The following DOCK3 variants were observed in gnomAD, a reference collection of about 807,000 sequenced individuals.
DOCK3 encodes the protein dedicator of cytokinesis 3, also known as dedicator of cytokinesis protein 3.
In DOCK3, 60 loss-of-function variants were observed where a neutral mutation model predicts 265.6. That is an observed-to-expected ratio of 0.23 (90% CI 0.18 to 0.28). The LOEUF (loss-of-function observed/expected upper bound fraction) is 0.28. Ranked by LOEUF, DOCK3 falls within the 10% of genes least tolerant of loss-of-function variation. The probability of loss-of-function intolerance (pLI) is 1.00; values close to 1 mark genes in which losing one functional copy is unlikely to be tolerated. For synonymous variants in DOCK3, 881 were observed against 938.0 expected, an observed-to-expected ratio of 0.94 and a Z score of 1.11; for missense variants, 1,981 against 2,594.3, an observed-to-expected ratio of 0.76 and a Z score of 5.14.
chr3:51,119,728 T>C (rs1375190096), intron 9 of DOCK3, among the ~76,000 whole-genome samples: 1 of 151,982 alleles, frequency 6.6e-6, no homozygotes. Flanking sequence ...CAGTCTCTGA[T>C]ATCCTTTCTT....
chr3:50,709,616 G>A (rs2355341), intron 1 of DOCK3, among the ~76,000 whole-genome samples: 14,378 of 152,076 alleles, frequency 0.095, 839 homozygotes, highest in Non-Finnish European at 0.12. Flanking sequence ...ACGTAAGGTC[G>A]GGAGTTCAAG....
chr3:51,239,768 G>A (rs1405225624), intron 21 of DOCK3, among the ~76,000 whole-genome samples: 1 of 151,672 alleles, frequency 6.6e-6, no homozygotes, highest in Non-Finnish European at 1.5e-5. Flanking sequence ...TTCTCTGATG[G>A]TTATTTGTAT....
intron 5 of DOCK3, among the ~76,000 whole-genome samples, chr3:51,056,012 A>G (rs2081189110): frequency 6.6e-6 from 1 of 152,194 alleles, no homozygotes; most frequent in Admixed American, 6.5e-5. Flanking sequence ...GGAAATACAT[A>G]TTGTATGGAT....
rs954814978 is a variant in DOCK3, at chr3:50,692,655, A to C, written c.37+17355A>C. On this transcript the variant is annotated intron_variant, in intron 1 of 52. Transcript: ENST00000266037. ...TTTCTTATCAGATATATGGTTTGCA[A>C]ATATTTTCTCTTATTCTGTAGCTGT... Among the ~76,000 whole-genome samples, 3 of 152,124 alleles carry C rather than the reference A, an allele frequency of 2.0e-5. No individual in the cohort carries two copies. In the South Asian group the frequency reaches 6.2e-4, roughly 32 times the overall value.
intron 9 of DOCK3, among the ~76,000 whole-genome samples, chr3:51,121,637 A>T (rs1240623260): frequency 6.6e-6 from 1 of 152,164 alleles, no homozygotes; most frequent in Non-Finnish European, 1.5e-5. Flanking sequence ...GAAGACATTT[A>T]TGTCCAGTGA....
intron 12 of DOCK3, among the ~76,000 whole-genome samples, chr3:51,165,591 C>T (rs529833079): frequency 6.6e-6 from 1 of 152,320 alleles, no homozygotes; most frequent in Non-Finnish European, 1.5e-5. Context: ...TTCTCCATTA[C>T]CTCCTCTTTT....
chr3:51,113,514 C>T (rs1024424258), intron 9 of DOCK3, among the ~76,000 whole-genome samples: 1 of 152,140 alleles, frequency 6.6e-6, no homozygotes, highest in Non-Finnish European at 1.5e-5. Context: ...CATTAATCCA[C>T]GTACCAGAAA....
intron 3 of DOCK3, among the ~76,000 whole-genome samples, chr3:50,882,091 C>G (rs1413465814): frequency 6.6e-6 from 1 of 152,112 alleles, no homozygotes; most frequent in Non-Finnish European, 1.5e-5. Flanking sequence ...GGATCCCTTC[C>G]TTACACCTTT....
chr3:50,818,875 GA>G (rs1244860564), intron 2 of DOCK3, among the ~76,000 whole-genome samples: 1 of 152,172 alleles, frequency 6.6e-6, no homozygotes, highest in East Asian at 1.9e-4. Flanking sequence ...ATTAGTGTTA[GA>G]ATCTGTTTCA....
At chr3:50,910,866 C>T (rs2049816722) in intron 4 of DOCK3, among the ~76,000 whole-genome samples, 1 of 152,054 alleles carries the variant, frequency 6.6e-6, no homozygotes, top group South Asian at 2.1e-4. Context: ...GTGCTCTGTC[C>T]ACTCACCTCT....
chr3:51,143,679 AT>A (rs1236223939), intron 9 of DOCK3, among the ~76,000 whole-genome samples: 1 of 151,952 alleles, frequency 6.6e-6, no homozygotes, highest in Non-Finnish European at 1.5e-5. Context: ...TCTTGTGTCC[AT>A]TTTTTATTTG....
chr3:51,091,876 G>C (rs544301060), intron 9 of DOCK3, among the ~76,000 whole-genome samples: 1 of 152,044 alleles, frequency 6.6e-6, no homozygotes, highest in South Asian at 2.1e-4. Context: ...GCAGGGTGGC[G>C]CATTGCCTCA....
chr3:51,243,882 A>G lies in DOCK3; in HGVS notation c.2103-2844A>G, dbSNP rs143527174. Among the ~76,000 whole-genome samples the G allele has an allele frequency of 1.4e-3, 218 of 152,228 alleles. 2 individuals carry two copies. Among genetic ancestry groups the G allele is most frequent in the African/African-American group, 4.9e-3 (204 of 41,520 alleles). The stretch of plus-strand genomic sequence containing the variant: ...CTTTGAGTTAATTTTTGTATATTGT[A>G]TAAGATAAGTGTCTGACTTCATTCT... On this transcript the variant is annotated intron_variant, in intron 21 of 52. Coordinates refer to ENST00000266037, the MANE Select transcript of DOCK3 (RefSeq NM_004947.5).
intron 4 of DOCK3, among the ~76,000 whole-genome samples, chr3:50,928,866 G>T (rs991900047): frequency 2.0e-5 from 3 of 152,204 alleles, no homozygotes; most frequent in African/African-American, 7.2e-5. Flanking sequence ...TTGGGTACCT[G>T]TATAACCATT....
chr3:51,230,560 AG>A (rs1413523703), intron 19 of DOCK3, among the ~76,000 whole-genome samples: 10 of 152,030 alleles, frequency 6.6e-5, no homozygotes, highest in African/African-American at 2.4e-4. Context: ...CTCTGTCGCC[AG>A]GCTGGAGTGC....
chr3:50,765,246 T>C, intron 1 of DOCK3, among the ~76,000 whole-genome samples: 1 of 151,894 alleles, frequency 6.6e-6, no homozygotes. Flanking sequence ...CATTCCTGGC[T>C]AATTTTTTTG....
At chr3:51,101,244 C>T (rs2083078637) in intron 9 of DOCK3, among the ~76,000 whole-genome samples, 1 of 151,836 alleles carries the variant, frequency 6.6e-6, no homozygotes, top group African/African-American at 2.4e-5. Context: ...CCTCAGCCTC[C>T]CGAGTAGCTG....
At chr3:50,769,428 A>G (rs2041130901) in intron 1 of DOCK3, among the ~76,000 whole-genome samples, 1 of 152,234 alleles carries the variant, frequency 6.6e-6, no homozygotes, top group Non-Finnish European at 1.5e-5. Context: ...AGCTAACATC[A>G]TACTGAATGG....
intron 5 of DOCK3, among the ~76,000 whole-genome samples, chr3:50,950,852 G>A (rs750382034): frequency 6.6e-6 from 1 of 152,026 alleles, no homozygotes; most frequent in Non-Finnish European, 1.5e-5. Context: ...TACTCAACCC[G>A]ATAGTAAGTA....
Sources: allele counts gnomAD v4.1 joint callset (sites outside exome capture counted in the v4.1 genomes callset), GRCh38; gene constraint gnomAD v4.1.1; transcripts MANE v1.5; gene names NCBI Gene and HGNC (gene_info 2026-07-23, HGNC 2026-07-21).